SNU13: variants seen among roughly 807,000 people sequenced by gnomAD.
The protein encoded by SNU13 is small nuclear ribonucleoprotein 13.
Under a neutral mutation model 12.4 loss-of-function variants are expected in SNU13, and 2 were observed. The observed-to-expected ratio is 0.16, with a 90% confidence interval of 0.07 to 0.51. The LOEUF (loss-of-function observed/expected upper bound fraction) is 0.51. SNU13 is among the 20% of genes least tolerant of loss of function. SNU13 has a pLI of 0.96. For missense variants in SNU13, 66 were observed against 157.8 expected, an observed-to-expected ratio of 0.42 and a Z score of 3.12; for synonymous variants, 68 against 66.5, an observed-to-expected ratio of 1.02 and a Z score of -0.11.
At chr22:41,689,701 G>A (rs2068344728), upstream of SNU13, among the ~76,000 whole-genome samples, 1 of 151,866 alleles carries the variant, frequency 6.6e-6, no homozygotes, top group African/African-American at 2.4e-5. Context: ...AAGAGGGCCG[G>A]GTGCGGTGGC....
intron 1 of SNU13, among the ~76,000 whole-genome samples, chr22:41,685,703 C>T (rs1454358787): frequency 7.9e-5 from 12 of 151,536 alleles, no homozygotes; most frequent in African/African-American, 2.2e-4. Context: ...TGGTGGCTCA[C>T]GCCTGTAATC....
intron 1 of SNU13, among the ~76,000 whole-genome samples, chr22:41,684,715 A>C (rs2068296177): frequency 6.6e-6 from 1 of 152,214 alleles, no homozygotes; most frequent in Non-Finnish European, 1.5e-5. Flanking sequence ...CCATGTTTGA[A>C]GAGTGTATTC....
chr22:41,681,309 T>C (rs1400877026), intron 1 of SNU13: 2 of 152,252 alleles, frequency 1.3e-5, no homozygotes, highest in African/African-American at 4.8e-5. Context: ...GTTATTCAAA[T>C]TAAAATTTTC....
Position 41,688,781 on chromosome 22 carries a change from C to G in SNU13, c.3+13G>C. Reference sequence around the variant, plus strand: ...TCCCGCTTCCCGGTCCCTCGGCCGGCGCACGCACTCACCATGGCTGCGGTT... The same window carrying G: ...TCCCGCTTCCCGGTCCCTCGGCCGGGGCACGCACTCACCATGGCTGCGGTT... On this transcript the variant is annotated intron_variant, in intron 1 of 2. Coordinates refer to ENST00000401959, the MANE Select transcript of SNU13 (RefSeq NM_001003796.2). The G allele has an allele frequency of 1.2e-6, 2 of 1,601,484 alleles. No homozygotes were observed. Among genetic ancestry groups the G allele is most frequent in the Non-Finnish European group, 8.5e-7 (1 of 1,170,756 alleles).
chr22:41,677,818 T>C (rs774132975), intron 2 of SNU13, among the ~76,000 whole-genome samples: 3 of 152,124 alleles, frequency 2.0e-5, no homozygotes, highest in Non-Finnish European at 4.4e-5. Flanking sequence ...CCCTCAAGCA[T>C]GCCTTTACAC....
chr22:41,684,204 C>T (rs759033397), intron 1 of SNU13, among the ~76,000 whole-genome samples: 2 of 152,150 alleles, frequency 1.3e-5, no homozygotes, highest in African/African-American at 2.4e-5. Flanking sequence ...TGCGCCTGGC[C>T]GGGAGCAGAG....
Position 41,680,314 on chromosome 22 carries a change from G to A in SNU13, c.54C>T (p.Leu18=), listed in dbSNP as rs201470767. 6 of 1,614,094 alleles carry A rather than the reference G, an allele frequency of 3.7e-6. No homozygotes were observed. Among genetic ancestry groups the A allele is most frequent in the East Asian group, 2.2e-5 (1 of 44,880 alleles). ...GAACGAGGTCCAGTAGCTTCTTGGTGAGGTGGGCATCGGCAAGGGGATAGG... is the reference window on the plus strand; with the variant it reads ...GAACGAGGTCCAGTAGCTTCTTGGTAAGGTGGGCATCGGCAAGGGGATAGG... ...PKAYPLADAH[L]TKKLLDLVQQ... Residue 18 remains leucine (L), a synonymous_variant, in exon 2 of 3, where the codon CTC becomes CTT. Transcript: ENST00000401959.
Position 41,680,340 on chromosome 22 carries a change from C to T in SNU13, c.28G>A (p.Ala10Thr). The T allele has an allele frequency of 1.9e-6, 3 of 1,613,876 alleles. No homozygotes were observed. Among genetic ancestry groups the T allele is most frequent in the Non-Finnish European group, 2.5e-6 (3 of 1,179,914 alleles). ...AGGTGGGCATCGGCAAGGGGATAGG[C>T]CTTTGGATTCACATCAGCCTCAGTC... is the stretch of plus-strand genomic sequence containing the variant. MTEADVNPKAYPLADAHLTK... is the reference protein window; with the variant it reads MTEADVNPKTYPLADAHLTK... Residue 10 changes from alanine (A) to threonine (T), a missense_variant, in exon 2 of 3, where the codon GCC becomes ACC. Coordinates refer to ENST00000401959, the MANE Select transcript of SNU13 (RefSeq NM_001003796.2).
chr22:41,676,531 CTTT>C (rs35474083), intron 2 of SNU13, among the ~76,000 whole-genome samples: 1 of 148,340 alleles, frequency 6.7e-6, no homozygotes, highest in Admixed American at 6.7e-5. Flanking sequence ...TAACCTAATT[CTTT>C]TTTTTTTTTG....
chr22:41,688,868 G>C (rs2068336000), upstream of SNU13: 6 of 1,523,650 alleles, frequency 3.9e-6, no homozygotes, highest in Admixed American at 2.0e-5. Context: ...GCGTGCACCG[G>C]AAAAACTCAC....
intron 1 of SNU13, among the ~76,000 whole-genome samples, chr22:41,686,777 C>A (rs972943839): frequency 6.6e-6 from 1 of 151,552 alleles, no homozygotes; most frequent in Non-Finnish European, 1.5e-5. Flanking sequence ...CAGGCACGCA[C>A]CACCACGCCT....
intron 1 of SNU13, among the ~76,000 whole-genome samples, chr22:41,684,265 G>C (rs1333772163): frequency 1.3e-5 from 2 of 152,152 alleles, no homozygotes; most frequent in African/African-American, 4.8e-5. Context: ...GTGAGAAAGA[G>C]GGGCTTCGGA....
At chr22:41,688,920 G>A, upstream of SNU13, 2 of 1,456,448 alleles carry the variant, frequency 1.4e-6, no homozygotes, top group South Asian at 1.4e-5. Context: ...AGGAAGCGAA[G>A]GTGACGCTAC....
At chr22:41,685,803 T>TA (rs553325955) in intron 1 of SNU13, among the ~76,000 whole-genome samples, 65 of 150,552 alleles carry the variant, frequency 4.3e-4, no homozygotes, top group Admixed American at 9.9e-4. Context: ...CCGTCTCTAC[T>TA]AAAAAAATAC....
chr22:41,686,017 C>G (rs2068307361), intron 1 of SNU13, among the ~76,000 whole-genome samples: 1 of 151,918 alleles, frequency 6.6e-6, no homozygotes, highest in Non-Finnish European at 1.5e-5. Context: ...ACTATTTTGC[C>G]CTGGGTGGTC....
intron 1 of SNU13, 110 bp downstream of exon 1, chr22:41,688,684 C>A: frequency 6.9e-7 from 1 of 1,450,780 alleles, no homozygotes. Context: ...TAAGACCCAA[C>A]GCCGGCGGAT....
chr22:41,690,339 C>T, upstream of SNU13: 1 of 708,290 alleles, frequency 1.4e-6, no homozygotes, highest in South Asian at 1.5e-5. Context: ...ATCACACATT[C>T]AGGGAACTTA....
chr22:41,689,999 C>G (rs564632466), upstream of SNU13, among the ~76,000 whole-genome samples: 2 of 151,644 alleles, frequency 1.3e-5, no homozygotes, highest in Non-Finnish European at 2.9e-5. Flanking sequence ...AAAAAAAATT[C>G]CAGCCACTAA....
intron 1 of SNU13, among the ~76,000 whole-genome samples, chr22:41,682,127 C>G (rs2068268881): frequency 6.6e-6 from 1 of 152,066 alleles, no homozygotes; most frequent in Non-Finnish European, 1.5e-5. Context: ...CACCTAACCT[C>G]GGCCTTGGAG....
Sources: gnomAD v4.1 joint callset for allele counts (sites outside exome capture counted in the v4.1 genomes callset) on GRCh38, gnomAD v4.1.1 for gene constraint, MANE v1.5 for transcripts, NCBI Gene and HGNC (gene_info 2026-07-23, HGNC 2026-07-21) for gene names.